The following OR1J2 variants were observed in gnomAD, a reference collection of about 807,000 sequenced individuals.
OR1J2 encodes olfactory receptor family 1 subfamily J member 2, also known as olfactory receptor 1J2.
For missense variants in OR1J2, 304 were observed against 246.1 expected (o/e 1.24, Z -1.57); for synonymous variants, 142 against 99.7 (o/e 1.42, Z -2.52).
the OR1J2 span, among the ~76,000 whole-genome samples, chr9:122,468,091 A>G: frequency 1.3e-5 from 2 of 152,328 alleles, no homozygotes; most frequent in African/African-American, 2.4e-5. Context: ...CTTGTTTACT[A>G]CAATATGTAG....
At chr9:122,571,787 C>T in the OR1J2 span, among the ~76,000 whole-genome samples, 1 of 151,572 alleles carries the variant, frequency 6.6e-6, no homozygotes, top group East Asian at 1.9e-4. Flanking sequence ...GTGCAGTGGA[C>T]AGTGCCTTGG....
At chr9:122,453,613 A>G in the OR1J2 span, among the ~76,000 whole-genome samples, 6 of 152,190 alleles carry the variant, frequency 3.9e-5, no homozygotes, top group Non-Finnish European at 5.9e-5. Context: ...AAGTATCCCA[A>G]AGGCTTCCCA....
At chr9:122,540,547 C>T in the OR1J2 span, among the ~76,000 whole-genome samples, 1,442 of 151,394 alleles carry the variant, frequency 9.5e-3, 26 homozygotes, top group Admixed American at 0.046. Context: ...AGTCAGGTAG[C>T]GTGATGCCTC....
the OR1J2 span, chr9:122,477,902 C>T: frequency 2.1e-5 from 33 of 1,605,998 alleles, no homozygotes; most frequent in African/African-American, 6.7e-5. Flanking sequence ...AACTCGGACA[C>T]GCTGCTCTGG....
At chr9:122,561,159 T>C in the OR1J2 span, among the ~76,000 whole-genome samples, 5 of 152,220 alleles carry the variant, frequency 3.3e-5, no homozygotes, top group Admixed American at 6.5e-5. Flanking sequence ...GTTCTTGTGC[T>C]GTGTTTTTCA....
the OR1J2 span, among the ~76,000 whole-genome samples, chr9:122,569,141 C>A: frequency 6.6e-6 from 1 of 151,614 alleles, no homozygotes; most frequent in Non-Finnish European, 1.5e-5. Flanking sequence ...ATTTTTTTTT[C>A]TGCTCTGCTC....
At chr9:122,504,823 A>G in the OR1J2 span, among the ~76,000 whole-genome samples, 2 of 152,186 alleles carry the variant, frequency 1.3e-5, no homozygotes, top group Admixed American at 6.5e-5. Flanking sequence ...AGCTCCCTGC[A>G]TCCTGTATCT....
the OR1J2 span, among the ~76,000 whole-genome samples, chr9:122,487,674 C>G: frequency 1.3e-5 from 2 of 152,150 alleles, no homozygotes; most frequent in African/African-American, 4.8e-5. Flanking sequence ...TGTTTTTCAC[C>G]AGCCACAAGG....
the OR1J2 span, among the ~76,000 whole-genome samples, chr9:122,546,200 G>A: frequency 6.6e-6 from 1 of 152,188 alleles, no homozygotes; most frequent in South Asian, 2.1e-4. Context: ...AGGCTCTTGG[G>A]AGGGGCCGAG....
the OR1J2 span, among the ~76,000 whole-genome samples, chr9:122,540,415 C>G: frequency 1.3e-5 from 2 of 152,152 alleles, no homozygotes; most frequent in Non-Finnish European, 2.9e-5. Flanking sequence ...TGTCAAAGAT[C>G]AGATAGTTGT....
At chr9:122,473,892 T>C in the OR1J2 span, among the ~76,000 whole-genome samples, 2 of 152,222 alleles carry the variant, frequency 1.3e-5, no homozygotes, top group South Asian at 2.1e-4. Context: ...ATAGCATTCA[T>C]TGGCTTCTCT....
chr9:122,564,014 G>A, the OR1J2 span, among the ~76,000 whole-genome samples: 1 of 152,112 alleles, frequency 6.6e-6, no homozygotes, highest in African/African-American at 2.4e-5. Flanking sequence ...TAGCTTTATA[G>A]TATGTTTTGA....
chr9:122,530,875 A>G, the OR1J2 span, among the ~76,000 whole-genome samples: 1 of 152,180 alleles, frequency 6.6e-6, no homozygotes, highest in Non-Finnish European at 1.5e-5. Context: ...TCATCAGTGA[A>G]GGCAGGAACA....
the OR1J2 span, among the ~76,000 whole-genome samples, chr9:122,542,152 A>G: frequency 1.3e-5 from 2 of 152,194 alleles, no homozygotes; most frequent in South Asian, 2.1e-4. Context: ...TGTTTGTTGC[A>G]TATACCAGAA....
chr9:122,566,037 G>A, the OR1J2 span, among the ~76,000 whole-genome samples: 5 of 152,250 alleles, frequency 3.3e-5, no homozygotes, highest in East Asian at 9.7e-4. Context: ...CATTACAAAG[G>A]AACACAAATT....
chr9:122,497,405 C>A, the OR1J2 span, among the ~76,000 whole-genome samples: 1 of 152,132 alleles, frequency 6.6e-6, no homozygotes, highest in Non-Finnish European at 1.5e-5. Context: ...TGGGAGATTG[C>A]ATAGTTTCAG....
At chr9:122,498,817 G>C in the OR1J2 span, among the ~76,000 whole-genome samples, 2 of 151,372 alleles carry the variant, frequency 1.3e-5, no homozygotes. Context: ...TTTCTTTCCC[G>C]TTAATGTTAT....
chr9:122,469,262 T>G, the OR1J2 span, among the ~76,000 whole-genome samples: 2 of 152,224 alleles, frequency 1.3e-5, no homozygotes, highest in Non-Finnish European at 2.9e-5. Context: ...CCATGTGTTG[T>G]GGGAGGGACC....
At chr9:122,527,064 G>A in the OR1J2 span, 1 of 1,614,218 alleles carries the variant, frequency 6.2e-7, no homozygotes, top group African/African-American at 1.3e-5. Context: ...CAGCATCTTG[G>A]TAACTGTGGA....
Sources: allele counts gnomAD v4.1 joint callset (sites outside exome capture counted in the v4.1 genomes callset), GRCh38; gene constraint gnomAD v4.1.1; transcripts MANE v1.5; gene names NCBI Gene and HGNC (gene_info 2026-07-23, HGNC 2026-07-21).